The following UTP4 variants were observed in gnomAD, a reference collection of about 807,000 sequenced individuals.
The protein encoded by UTP4 is UTP4 small subunit processome component.
Under a neutral mutation model 82.4 loss-of-function variants are expected in UTP4, and 45 were observed. The observed-to-expected ratio is 0.55, with a 90% CI of 0.43 to 0.70. The LOEUF is 0.70. UTP4 is among the 30% of genes least tolerant of loss of function. UTP4 has a pLI of 0.00. For missense variants in UTP4, 819 were observed against 858.3 expected (o/e 0.95, Z 0.57); for synonymous variants, 348 against 300.3 (o/e 1.16, Z -1.64).
chr16:69,147,178 AAATAATAATAATAAT>A lies in UTP4; in HGVS notation c.739-3329_739-3315del, dbSNP rs59985843. On this transcript the variant is annotated intron_variant, in intron 6 of 16. Transcript: ENST00000314423. The stretch of plus-strand genomic sequence containing the variant: ...GTCAACAGAGTGCAACTCCAGCTCA[AAATAATAATAATAAT>A]AATAATAATAATAATAATAATAATA... Among the ~76,000 whole-genome samples, 429 of 132,508 alleles carry A rather than the reference AAATAATAATAATAAT, an allele frequency of 3.2e-3. 2 individuals are homozygous for A. Among genetic ancestry groups the A allele is most frequent in the South Asian group, 3.5e-3 (14 of 4,002 alleles). 86.9% of individuals were successfully genotyped at this position (132,508 alleles called of 152,430 possible).
At chr16:69,154,893 TA>T (rs1048757497) in intron 10 of UTP4, among the ~76,000 whole-genome samples, 1 of 152,066 alleles carries the variant, frequency 6.6e-6, no homozygotes, top group African/African-American at 2.4e-5. Context: ...CACGCCCGGC[TA>T]ATTTTTTGTA....
chr16:69,166,972 G>A (rs1294943498), intron 15 of UTP4, 103 bp from the exon 16 acceptor site: 2 of 796,582 alleles, frequency 2.5e-6, no homozygotes, highest in East Asian at 2.4e-5. Flanking sequence ...GAATATATAT[G>A]ATGGTTAGAA....
At chr16:69,140,442 G>A (rs560043865) in intron 5 of UTP4, among the ~76,000 whole-genome samples, 16 of 152,278 alleles carry the variant, frequency 1.1e-4, no homozygotes, top group African/African-American at 2.9e-4. Context: ...TTGGCTGGGC[G>A]CGGTGGCTCA....
intron 6 of UTP4, among the ~76,000 whole-genome samples, chr16:69,144,200 CTT>C (rs774169593): frequency 1.4e-5 from 2 of 140,590 alleles, no homozygotes; most frequent in Non-Finnish European, 3.1e-5. Flanking sequence ...TTTTCTCTCT[CTT>C]TTTTTTTTTA....
At chr16:69,146,631 C>T (rs1288990127) in intron 6 of UTP4, among the ~76,000 whole-genome samples, 7 of 151,990 alleles carry the variant, frequency 4.6e-5, no homozygotes, top group South Asian at 2.1e-4. Context: ...GAGACCAAGG[C>T]GGGTGGATCA....
chr16:69,155,810 C>G, intron 10 of UTP4, 61 bp from the exon 11 acceptor site: 1 of 1,599,836 alleles, frequency 6.3e-7, no homozygotes, highest in Non-Finnish European at 8.6e-7. Flanking sequence ...GCGTCATGTC[C>G]CAGTGCACCT....
In UTP4 at chr16:69,155,886, A is replaced by G. The variant is rs748199126; in HGVS notation, c.1180A>G (p.Ile394Val). 4 of 1,614,130 alleles carry G rather than the reference A, an allele frequency of 2.5e-6. No homozygotes were observed. The highest frequency in any genetic ancestry group is 3.4e-6 in the Non-Finnish European group (4 of 1,179,994). Residue 394 changes from isoleucine to valine, a missense_variant, in exon 11 of 17, where the codon ATC (isoleucine) becomes GTC (valine). Physicochemically the swap from Ile to Val is conservative, Grantham distance 29 (BLOSUM62 3). Transcript: ENST00000314423. ...ATATTGCCAGGGTCCTGAGAACATT[A>G]TCTGTAGCTGTATCTCCCCATGTGG... ...HLKTKGPENIICSCISPCGSW... is the reference protein window; with the variant it reads ...HLKTKGPENIVCSCISPCGSW...
chr16:69,154,566 T>A, intron 10 of UTP4, 109 bp downstream of exon 10: 1 of 860,362 alleles, frequency 1.2e-6, no homozygotes, highest in Non-Finnish European at 2.0e-6. Flanking sequence ...GTATAAATTC[T>A]AAAACTATTT....
chr16:69,153,820 G>T, intron 9 of UTP4, 140 bp downstream of exon 9: 1 of 706,908 alleles, frequency 1.4e-6, no homozygotes, highest in South Asian at 1.5e-5. Context: ...CCACCCATTA[G>T]ATAAAGCAAA....
chr16:69,153,623 C>T lies in UTP4; in HGVS notation c.1042C>T (p.Leu348Phe), dbSNP rs1963334976. The T allele has an allele frequency of 1.2e-6, 2 of 1,613,470 alleles. No homozygotes were observed. The highest frequency in any genetic ancestry group is 1.3e-5 in the African/African-American group (1 of 74,900). The part of the protein sequence containing the change: ...ISCSKKRQLL[L>F]FQFAHHLELW... ...CTGTTCTAAAAAGAGGCAGCTTCTC[C>T]TCTTCCAGTTTGCTCATCACTTAGA... Residue 348 changes from leucine (L) to phenylalanine (F), a missense_variant, in exon 9 of 17, where the codon CTC becomes TTC. Coordinates refer to ENST00000314423, the MANE Select transcript of UTP4 (RefSeq NM_032830.3).
At chr16:69,165,984 A>G (rs1308553902) in intron 15 of UTP4, 2 of 274,378 alleles carry the variant, frequency 7.3e-6, no homozygotes, top group South Asian at 4.3e-5. Flanking sequence ...TAAAGCTACT[A>G]AAACGCTGTC....
intron 6 of UTP4, among the ~76,000 whole-genome samples, chr16:69,144,223 A>T (rs1173203743): frequency 7.6e-6 from 1 of 130,722 alleles, no homozygotes; most frequent in Non-Finnish European, 1.6e-5. Flanking sequence ...TTTTTTTGAG[A>T]CGGAGTCTAG....
At chr16:69,133,670 G>T in intron 2 of UTP4, 52 bp downstream of exon 2, 2 of 1,576,408 alleles carry the variant, frequency 1.3e-6, no homozygotes, top group East Asian at 4.5e-5. Context: ...TTCTTCTGAA[G>T]TTCAAGAAGC....
intron 12 of UTP4, among the ~76,000 whole-genome samples, chr16:69,158,289 C>T (rs1350080678): frequency 6.7e-6 from 1 of 148,716 alleles, no homozygotes; most frequent in Non-Finnish European, 1.5e-5. Flanking sequence ...CCTTCCACCT[C>T]AGCCTCCCAA....
Position 69,139,818 on chromosome 16 carries a change from TCCCAAGGTCGCATCCTGAG to T in UTP4, c.437-6_449del. The T allele has an allele frequency of 6.2e-7, 1 of 1,609,016 alleles. No individual in the cohort carries two copies. ...TCACTTTCTTTTTTTGTTGTCCAAC[TCCCAAGGTCGCATCCTGAG>T]TCTCAGCTGGCATCCCTCTGGTACC... On this transcript the variant is annotated splice_acceptor_variant and splice_polypyrimidine_tract_variant and coding_sequence_variant and intron_variant, in exon 5 of 17. Transcript: ENST00000314423. LOFTEE classifies it high-confidence loss of function.
At chr16:69,153,531 A>G (rs1354954404) in intron 8 of UTP4, 53 bp from the exon 9 acceptor site, 2 of 1,246,038 alleles carry the variant, frequency 1.6e-6, no homozygotes, top group Non-Finnish European at 2.3e-6. Context: ...TCTGGTACTA[A>G]GGCAGTAGAT....
intron 3 of UTP4, among the ~76,000 whole-genome samples, chr16:69,137,540 C>T (rs1962840977): frequency 6.6e-6 from 1 of 152,212 alleles, no homozygotes; most frequent in Non-Finnish European, 1.5e-5. Context: ...CCATGTCATA[C>T]AGAGGAATGG....
At chr16:69,134,152 G>A (rs574986942) in intron 2 of UTP4, among the ~76,000 whole-genome samples, 27 of 152,116 alleles carry the variant, frequency 1.8e-4, no homozygotes, top group Non-Finnish European at 3.4e-4. Context: ...AGGTCTATTA[G>A]TCCTTTTTCT....
Position 69,150,868 on chromosome 16 carries a change from T to C in UTP4, c.966T>C (p.Asn322=). ...RPLMEKVEVK[N]YDAALRKITF... ...TCATGGAGAAGGTGGAAGTAAAGAA[T>C]TACGATGCCGCTCTCCGAAAAATCA... Residue 322 remains asparagine, a synonymous_variant, in exon 8 of 17, where the codon AAT becomes AAC. Transcript: ENST00000314423. 5.6e-6 allele frequency: 9 copies of C among 1,614,106 alleles called. No individual in the cohort carries two copies. Among genetic ancestry groups the C allele is most frequent in the Non-Finnish European group, 7.6e-6 (9 of 1,180,018 alleles).
Sources: allele counts gnomAD v4.1 joint callset (sites outside exome capture counted in the v4.1 genomes callset), GRCh38; gene constraint gnomAD v4.1.1; transcripts MANE v1.5; gene names NCBI Gene and HGNC (gene_info 2026-07-23, HGNC 2026-07-21).